MAGI2: variants seen among roughly 807,000 people sequenced by gnomAD.
MAGI2 encodes membrane-associated guanylate kinase, WW and PDZ domain-containing protein 2.
In MAGI2, 35 loss-of-function variants were observed where a neutral mutation model predicts 133.3. The observed-to-expected ratio is 0.26, with a 90% CI of 0.20 to 0.35. The LOEUF (loss-of-function observed/expected upper bound fraction) is 0.35. Among genes scored for constraint, MAGI2 ranks in the 10% least tolerant of loss-of-function variants. The pLI is 1.00. For missense variants in MAGI2, 1,636 were observed against 1,863.4 expected (o/e 0.88, Z 2.25); for synonymous variants, 729 against 710.6 (o/e 1.03, Z -0.41).
chr7:78,292,278 A>T (rs1343732833), intron 9 of MAGI2, among the ~76,000 whole-genome samples: 1 of 152,228 alleles, frequency 6.6e-6, no homozygotes, highest in Non-Finnish European at 1.5e-5. Flanking sequence ...AAGCATTCTT[A>T]TACACCAATA....
chr7:78,147,004 T>C lies in MAGI2; in HGVS notation c.2846-11798A>G, dbSNP rs1823365572. 2.6e-5 allele frequency among the ~76,000 whole-genome samples: 4 copies of C among 152,166 alleles called. No individual in the cohort carries two copies. The South Asian group carries it at 8.3e-4, about 32-fold the overall frequency. On this transcript the variant is annotated intron_variant, in intron 16 of 21. Transcript: ENST00000354212. ...TCTTGCAATATTTTCTTAATATAAA[T>C]GGAAACAGATACTAACCCAGGCAAA... is the stretch of plus-strand genomic sequence containing the variant.
At chr7:78,050,664 C>G (rs945059950) in intron 21 of MAGI2, among the ~76,000 whole-genome samples, 1 of 151,842 alleles carries the variant, frequency 6.6e-6, no homozygotes, top group African/African-American at 2.4e-5. Context: ...CTGTTTGTGT[C>G]TCAGATTTCT....
intron 9 of MAGI2, among the ~76,000 whole-genome samples, chr7:78,342,335 G>A (rs185548529): frequency 1.3e-5 from 2 of 152,256 alleles, no homozygotes; most frequent in Admixed American, 6.5e-5. Flanking sequence ...GGAGAAACAC[G>A]AACAAACGCT....
chr7:78,651,659 T>A (rs1053940227), intron 2 of MAGI2, among the ~76,000 whole-genome samples: 3 of 152,176 alleles, frequency 2.0e-5, no homozygotes, highest in Admixed American at 2.0e-4. Context: ...TCTATATGTA[T>A]AATTATTGAA....
chr7:78,546,612 CCT>C (rs1213116325), intron 3 of MAGI2, among the ~76,000 whole-genome samples: 7 of 152,062 alleles, frequency 4.6e-5, no homozygotes, highest in South Asian at 2.1e-4. Context: ...GCTGTGTCCC[CCT>C]GTGTCCTCTC....
chr7:78,926,029 A>G (rs17151698), intron 2 of MAGI2, among the ~76,000 whole-genome samples: 3,639 of 152,068 alleles, frequency 0.024, 66 homozygotes, highest in Middle Eastern at 0.044. Flanking sequence ...CATTTTGTAC[A>G]TGTAAATCTT....
Position 78,079,037 on chromosome 7 carries a change from T to C in MAGI2, c.3616A>G (p.Thr1206Ala). ...EINGESTRDM[T>A]HARAIELIKS... ...ATGAGTTCTATTGCTCTGGCATGTGTCATGTCCCTTGTGCTTTCCCCATTG... is the reference window on the plus strand; with the variant it reads ...ATGAGTTCTATTGCTCTGGCATGTGCCATGTCCCTTGTGCTTTCCCCATTG... The change falls in exon 21 of 22, where the codon ACA (threonine) becomes GCA (alanine). Residue 1206 changes from threonine (T) to alanine (A), a missense_variant. Physicochemically the swap from Thr to Ala is moderately conservative, Grantham distance 58. Around this residue, in one of 5 missense-constraint regions of MAGI2, gnomAD observed 49 missense variants for 103.8 expected, o/e 0.47. Transcript: ENST00000354212. 6.2e-7 allele frequency: 1 copy of C among 1,613,976 alleles called. No individual in the cohort carries two copies. The highest frequency in any genetic ancestry group is 8.5e-7 in the Non-Finnish European group (1 of 1,179,958).
Position 79,189,357 on chromosome 7 carries a change from G to A in MAGI2, c.302-182151C>T, listed in dbSNP as rs1203502105. On this transcript the variant is annotated intron_variant, in intron 1 of 21. Transcript: ENST00000354212. ...AATGGCACCCTTCTTTAACTTGAATGTTTATTTCTTTGATTATGGATGGGA... is the reference window on the plus strand; with the variant it reads ...AATGGCACCCTTCTTTAACTTGAATATTTATTTCTTTGATTATGGATGGGA... Among the ~76,000 whole-genome samples, 4 of 145,540 alleles carry A rather than the reference G, an allele frequency of 2.7e-5. No homozygotes were observed. The Admixed American group carries it at 2.8e-4, about 10-fold the overall frequency.
intron 20 of MAGI2, among the ~76,000 whole-genome samples, chr7:78,099,467 T>A (rs1818009615): frequency 6.6e-6 from 1 of 152,184 alleles, no homozygotes; most frequent in Admixed American, 6.5e-5. Flanking sequence ...GGGAGCTTTT[T>A]AAAACCACTC....
At chr7:78,412,363 A>G (rs1387856149) in intron 6 of MAGI2, among the ~76,000 whole-genome samples, 2 of 152,060 alleles carry the variant, frequency 1.3e-5, no homozygotes, top group Non-Finnish European at 2.9e-5. Context: ...TGAAGTTGGC[A>G]TAAATGATCA....
intron 20 of MAGI2, among the ~76,000 whole-genome samples, chr7:78,116,702 G>C (rs183475012): frequency 6.6e-6 from 1 of 151,894 alleles, no homozygotes; most frequent in Non-Finnish European, 1.5e-5. Flanking sequence ...AACGTGGTGA[G>C]AGCCATCTCT....
chr7:78,413,542 T>C (rs1798040831), intron 6 of MAGI2, among the ~76,000 whole-genome samples: 1 of 152,052 alleles, frequency 6.6e-6, no homozygotes, highest in Non-Finnish European at 1.5e-5. Context: ...CAGTTGGAAG[T>C]GTGATTCTGA....
intron 20 of MAGI2, among the ~76,000 whole-genome samples, chr7:78,115,957 A>T (rs1322935594): frequency 6.6e-6 from 1 of 152,254 alleles, no homozygotes; most frequent in Non-Finnish European, 1.5e-5. Context: ...TAGTTCAATA[A>T]CCAAACCTTA....
intron 2 of MAGI2, among the ~76,000 whole-genome samples, chr7:78,848,382 C>A (rs1792817868): frequency 6.6e-6 from 1 of 151,950 alleles, no homozygotes; most frequent in African/African-American, 2.4e-5. Context: ...CTCAGATGTT[C>A]CTATCCTAAA....
rs372391005 is a variant in MAGI2, at chr7:78,988,020, C to T, written c.418+19070G>A. On this transcript the variant is annotated intron_variant, in intron 2 of 21. Coordinates refer to ENST00000354212, the MANE Select transcript of MAGI2 (RefSeq NM_012301.4). ...TCTATGCAGTGATATAACAAATGAGCGTCCAAATATTAATATAATGCTAAC... is the reference window on the plus strand; with the variant it reads ...TCTATGCAGTGATATAACAAATGAGTGTCCAAATATTAATATAATGCTAAC... Among the ~76,000 whole-genome samples, 9 of 152,088 alleles carry T rather than the reference C, an allele frequency of 5.9e-5. No homozygotes were observed. In the South Asian group the frequency reaches 1.4e-3, roughly 24 times the overall value.
At chr7:79,092,342 CT>C (rs1463080761) in intron 1 of MAGI2, among the ~76,000 whole-genome samples, 4 of 152,092 alleles carry the variant, frequency 2.6e-5, no homozygotes, top group Non-Finnish European at 5.9e-5. Flanking sequence ...TCTGACATAA[CT>C]ATAATGTATC....
At chr7:79,361,558 A>G (rs1375229903) in intron 1 of MAGI2, among the ~76,000 whole-genome samples, 1 of 152,170 alleles carries the variant, frequency 6.6e-6, no homozygotes, top group Non-Finnish European at 1.5e-5. Flanking sequence ...GGATGTCATG[A>G]GGAACATATC....
chr7:78,291,944 G>A (rs1227573922), intron 9 of MAGI2, among the ~76,000 whole-genome samples: 2 of 152,100 alleles, frequency 1.3e-5, no homozygotes, highest in Non-Finnish European at 2.9e-5. Context: ...AAAATAGTAA[G>A]AGCTATTTAT....
chr7:79,117,422 T>C (rs1490397917), intron 1 of MAGI2, among the ~76,000 whole-genome samples: 3 of 152,182 alleles, frequency 2.0e-5, no homozygotes, highest in Admixed American at 1.3e-4. Context: ...AGGCATGTGA[T>C]CAAAATCATA....
Sources: allele counts gnomAD v4.1 joint callset (sites outside exome capture counted in the v4.1 genomes callset), GRCh38; gene constraint gnomAD v4.1.1; regional missense constraint gnomAD v4.1.1; transcripts MANE v1.5; gene names NCBI Gene and HGNC (gene_info 2026-07-23, HGNC 2026-07-21).